The following IL7 variants were observed in gnomAD, a reference collection of about 807,000 sequenced individuals.
IL7 encodes the protein interleukin 7.
IL7 carries 3 observed loss-of-function variants against 21.6 expected under a neutral mutation model. The observed-to-expected ratio is 0.14, with a 90% CI of 0.06 to 0.36. The LOEUF is 0.36. IL7 is among the 10% of genes least tolerant of loss of function. The pLI is 1.00. For missense variants in IL7, 175 were observed against 200.2 expected, an observed-to-expected ratio of 0.87 and a Z score of 0.76; for synonymous variants, 62 against 68.1, an observed-to-expected ratio of 0.91 and a Z score of 0.44.
At chr8:78,789,594 G>A (rs1305235696) in intron 2 of IL7, among the ~76,000 whole-genome samples, 3 of 151,976 alleles carry the variant, frequency 2.0e-5, no homozygotes, top group East Asian at 1.9e-4. Context: ...GATTTGAATC[G>A]GGACAGATAA....
At chr8:78,686,531 G>A (rs1040233560) in intron 3 of IL7, 16 of 1,554,858 alleles carry the variant, frequency 1.0e-5, no homozygotes, top group Non-Finnish European at 1.4e-5. Flanking sequence ...GCTACCATAA[G>A]AGCAGCTAAA....
intron 4 of IL7, among the ~76,000 whole-genome samples, chr8:78,682,383 A>G (rs950463470): frequency 6.7e-6 from 1 of 149,524 alleles, no homozygotes; most frequent in Non-Finnish European, 1.5e-5. Context: ...AGGGACTTAA[A>G]CTTCCATGTG....
rs1245607382 is a variant in IL7 at position 78,733,046 on chromosome 8, TA to T, written c.*666del. ...AGGTGAATTTATTTTTATTTTATTT[TA>T]TTTTTTTGAAATTGTCCTTTTTTCA... On this transcript the variant is annotated 3_prime_UTR_variant, in exon 6 of 6. Coordinates refer to ENST00000263851, the MANE Select transcript of IL7 (RefSeq NM_000880.4). The T allele has an allele frequency of 6.6e-6, 1 of 152,134 alleles. No homozygotes were observed. Among genetic ancestry groups the T allele is most frequent in the East Asian group, 1.9e-4 (1 of 5,204 alleles). The allele number at this position is 152,134 out of a possible 1,614,324, so 9.4% of individuals were successfully genotyped here.
intron 2 of IL7, among the ~76,000 whole-genome samples, chr8:78,786,197 A>C (rs1389122566): frequency 1.3e-5 from 2 of 152,182 alleles, no homozygotes; most frequent in Non-Finnish European, 2.9e-5. Flanking sequence ...ACCCAAACCT[A>C]AATGGTATAG....
intron 4 of IL7, among the ~76,000 whole-genome samples, chr8:78,681,881 C>A (rs766431796): frequency 1.4e-5 from 2 of 146,292 alleles, no homozygotes; most frequent in Non-Finnish European, 3.0e-5. Context: ...AATTTGAGTT[C>A]TCTTTTTTCC....
intron 2 of IL7, among the ~76,000 whole-genome samples, chr8:78,771,237 T>A (rs1230466010): frequency 7.2e-6 from 1 of 139,418 alleles, no homozygotes; most frequent in Non-Finnish European, 1.7e-5. Context: ...TATTTAGCAG[T>A]AATTTTTTTA....
chr8:78,760,328 T>A, intron 2 of IL7: 1 of 1,608,614 alleles, frequency 6.2e-7, no homozygotes, highest in Non-Finnish European at 8.5e-7. Context: ...GACGCTTTCA[T>A]CCATTTTCAT....
chr8:78,713,654 A>T (rs991004837), downstream of IL7, among the ~76,000 whole-genome samples: 6 of 152,170 alleles, frequency 3.9e-5, no homozygotes, highest in African/African-American at 1.4e-4. Flanking sequence ...CCATTCATGC[A>T]CCAAAGTGAT....
downstream of IL7, chr8:78,717,223 G>T: frequency 9.7e-7 from 1 of 1,034,918 alleles, no homozygotes; most frequent in Non-Finnish European, 1.3e-6. Flanking sequence ...TTAAAAACGA[G>T]ATTAAGCAGG....
intron 2 of IL7, among the ~76,000 whole-genome samples, chr8:78,776,122 G>A (rs1813129486): frequency 6.6e-6 from 1 of 152,014 alleles, no homozygotes; most frequent in African/African-American, 2.4e-5. Flanking sequence ...TAATGAAATA[G>A]AGCAATTATG....
chr8:78,689,095 A>G (rs1810122650), intron 3 of IL7: 2 of 560,732 alleles, frequency 3.6e-6, no homozygotes, highest in East Asian at 3.7e-5. Context: ...TTATAAGGAT[A>G]TGGGAATTTT....
intron 1 of IL7, among the ~76,000 whole-genome samples, chr8:78,802,778 C>T (rs889173161): frequency 1.3e-5 from 2 of 152,122 alleles, no homozygotes; most frequent in African/African-American, 4.8e-5. Flanking sequence ...AAATCCAAGA[C>T]TGTCACATTG....
chr8:78,745,475 C>T (rs927817219), intron 2 of IL7, among the ~76,000 whole-genome samples: 6 of 152,174 alleles, frequency 3.9e-5, no homozygotes, highest in Non-Finnish European at 8.8e-5. Context: ...TTCTTTCATA[C>T]TATATTGTTT....
At chr8:78,802,432 CTCTT>C (rs1359451766) in intron 1 of IL7, among the ~76,000 whole-genome samples, 1 of 149,820 alleles carries the variant, frequency 6.7e-6, no homozygotes, top group African/African-American at 2.5e-5. Context: ...ATTTTTCTCT[CTCTT>C]TTTTTTTTTT....
rs1228336269 is a variant in IL7 at position 78,681,138 on chromosome 8, C to T, written n.273+4751G>A. 9.2e-5 allele frequency among the ~76,000 whole-genome samples: 14 copies of T among 151,618 alleles called. No individual in the cohort carries two copies. In the East Asian group the frequency reaches 2.3e-3, roughly 25 times the overall value. ...GAAGCAGGGTGTAATTACACAGAGA[C>T]GCCTTATTTGCAGGAACTAGTCTGA... On this transcript the variant is annotated intron_variant and non_coding_transcript_variant, in intron 4 of 4. Transcript: ENST00000523959.
At chr8:78,780,630 T>C (rs1813297180) in intron 2 of IL7, among the ~76,000 whole-genome samples, 1 of 152,228 alleles carries the variant, frequency 6.6e-6, no homozygotes, top group African/African-American at 2.4e-5. Context: ...TGGCATTTGC[T>C]GAGGAGTGTT....
chr8:78,686,429 T>G, intron 3 of IL7: 1 of 1,228,828 alleles, frequency 8.1e-7, no homozygotes, highest in Non-Finnish European at 1.0e-6. Context: ...AAGATACTGT[T>G]TGTTTATTTA....
intron 2 of IL7, among the ~76,000 whole-genome samples, chr8:78,768,341 G>A (rs1239693355): frequency 2.8e-4 from 43 of 151,704 alleles, no homozygotes; most frequent in Middle Eastern, 3.4e-3. Flanking sequence ...CTGAGGAATC[G>A]CCACACTGAC....
At chr8:78,691,758 A>G (rs1473266062) in intron 3 of IL7, among the ~76,000 whole-genome samples, 1 of 152,014 alleles carries the variant, frequency 6.6e-6, no homozygotes, top group African/African-American at 2.4e-5. Flanking sequence ...TGCATCTTTG[A>G]CTTACCCATA....
Sources: gnomAD v4.1 joint callset for allele counts (sites outside exome capture counted in the v4.1 genomes callset) on GRCh38, gnomAD v4.1.1 for gene constraint, MANE v1.5 for transcripts, NCBI Gene and HGNC (gene_info 2026-07-23, HGNC 2026-07-21) for gene names.